Variants in TYW1 observed in about 807,000 individuals in gnomAD.
TYW1 encodes the protein tRNA-yW synthesizing protein 1 homolog, also known as S-adenosyl-L-methionine-dependent tRNA 4-demethylwyosine synthase TYW1.
A neutral mutation model predicts 96.2 loss-of-function variants in TYW1; 46 were observed. The observed-to-expected ratio is 0.48, with a 90% CI of 0.38 to 0.61. The LOEUF (loss-of-function observed/expected upper bound fraction) is 0.61. Ranked by LOEUF, TYW1 falls within the 20% of genes least tolerant of loss-of-function variation. The pLI, the probability that TYW1 is intolerant of heterozygous loss-of-function variation, is 0.00. For missense variants in TYW1, 684 were observed against 909.6 expected, an observed-to-expected ratio of 0.75 and a Z score of 3.19; for synonymous variants, 274 against 323.0, an observed-to-expected ratio of 0.85 and a Z score of 1.63.
chr7:67,146,041 T>C (rs762039025), intron 13 of TYW1, among the ~76,000 whole-genome samples: 1 of 152,198 alleles, frequency 6.6e-6, no homozygotes, highest in Non-Finnish European at 1.5e-5. Flanking sequence ...ACTGGGATTA[T>C]AGGTGTGAGC....
intron 10 of TYW1, among the ~76,000 whole-genome samples, chr7:67,081,046 G>T (rs1796377754): frequency 7.3e-6 from 1 of 136,560 alleles, no homozygotes. Flanking sequence ...CTACCAGTGA[G>T]TTTATACTTT....
chr7:67,073,623 A>C (rs1293360728), intron 10 of TYW1, among the ~76,000 whole-genome samples: 1 of 151,252 alleles, frequency 6.6e-6, no homozygotes, highest in Non-Finnish European at 1.5e-5. Flanking sequence ...AAATACAAAA[A>C]ATTAGCTGGG....
chr7:67,183,170 C>T lies in TYW1; in HGVS notation c.1743C>T (p.Asn581=), dbSNP rs4145350. The T allele has an allele frequency of 0.23, 367,864 of 1,594,874 alleles. 31,555 individuals carry two copies. The highest frequency in any genetic ancestry group is 0.38 in the African/African-American group (27,615 of 73,252). Residue 581 remains asparagine, a synonymous_variant, in exon 14 of 16, where the codon AAC becomes AAT. Coordinates refer to ENST00000359626, the MANE Select transcript of TYW1 (RefSeq NM_018264.4). ...GACTGACGCTCGTGAAAGCATGGAACGTGGACGAGCTCCAGGCCTACGCGC... is the reference window on the plus strand; with the variant it reads ...GACTGACGCTCGTGAAAGCATGGAATGTGGACGAGCTCCAGGCCTACGCGC... ...VYRLTLVKAW[N]VDELQAYAQL...
intron 7 of TYW1, among the ~76,000 whole-genome samples, chr7:67,039,043 A>C (rs1341395542): frequency 1.3e-5 from 2 of 152,166 alleles, no homozygotes; most frequent in Non-Finnish European, 2.9e-5. Flanking sequence ...AATCTGAAAA[A>C]CTTCTGATCC....
intron 7 of TYW1, among the ~76,000 whole-genome samples, chr7:67,035,898 C>G (rs146263228): frequency 1.3e-5 from 2 of 151,234 alleles, no homozygotes; most frequent in African/African-American, 4.8e-5. Flanking sequence ...AGGATGGTCC[C>G]GATTTGCTGA....
At chr7:67,192,448 A>C (rs1800249474) in intron 14 of TYW1, among the ~76,000 whole-genome samples, 1 of 152,250 alleles carries the variant, frequency 6.6e-6, no homozygotes, top group Non-Finnish European at 1.5e-5. Flanking sequence ...TCAGTGAACT[A>C]ACTTTTTAAA....
chr7:67,182,968 G>A (rs1360900764), intron 13 of TYW1, among the ~76,000 whole-genome samples, 158 bp from the exon 14 acceptor site: 4 of 151,378 alleles, frequency 2.6e-5, no homozygotes, highest in African/African-American at 7.3e-5. Context: ...GTTTATTTTT[G>A]TTTCATCTTT....
Position 67,239,420 on chromosome 7 carries a change from A to T in TYW1, c.*891A>T, listed in dbSNP as rs1045174. On this transcript the variant is annotated 3_prime_UTR_variant, in exon 16 of 16. Transcript: ENST00000359626. Reference sequence around the variant, plus strand: ...AGGTTCAGGTGTTTTCAAGTTGGAAAGATCATAAATACTCAAAATTGTTTT... The same window carrying T: ...AGGTTCAGGTGTTTTCAAGTTGGAATGATCATAAATACTCAAAATTGTTTT... 2.0e-6 allele frequency: 2 copies of T among 982,006 alleles called. No homozygotes were observed. The highest frequency in any genetic ancestry group is 2.4e-6 in the Non-Finnish European group (2 of 826,938). The allele number at this position is 982,006 out of a possible 1,614,324, so 60.8% of individuals were successfully genotyped here.
At chr7:67,219,073 T>C (rs1297451725) in intron 15 of TYW1, among the ~76,000 whole-genome samples, 1 of 152,214 alleles carries the variant, frequency 6.6e-6, no homozygotes, top group Non-Finnish European at 1.5e-5. Context: ...TAAGATAGTT[T>C]CCAGCTATTC....
intron 13 of TYW1, among the ~76,000 whole-genome samples, chr7:67,144,084 A>G (rs1258278088): frequency 6.6e-6 from 1 of 152,252 alleles, no homozygotes; most frequent in Non-Finnish European, 1.5e-5. Flanking sequence ...TCATTAATGT[A>G]GCAGTGGATC....
chr7:67,080,406 T>G (rs1337952557), intron 10 of TYW1, among the ~76,000 whole-genome samples: 1 of 151,850 alleles, frequency 6.6e-6, no homozygotes, highest in Non-Finnish European at 1.5e-5. Context: ...TGCTTACTTT[T>G]TTTTTTTTTT....
intron 13 of TYW1, among the ~76,000 whole-genome samples, chr7:67,166,227 C>A (rs1799317247): frequency 6.8e-6 from 1 of 147,032 alleles, no homozygotes; most frequent in East Asian, 1.9e-4. Context: ...TGCTCTCCAG[C>A]CTGTGTGACA....
At chr7:67,053,339 T>A (rs1795419579) in intron 8 of TYW1, among the ~76,000 whole-genome samples, 1 of 151,778 alleles carries the variant, frequency 6.6e-6, no homozygotes, top group Admixed American at 6.6e-5. Context: ...CCCCAGTCCT[T>A]CCCTTCCTCT....
intron 14 of TYW1, among the ~76,000 whole-genome samples, chr7:67,186,171 T>A (rs1489096290): frequency 1.4e-5 from 2 of 145,218 alleles, no homozygotes; most frequent in Admixed American, 1.4e-4. Context: ...ATTTAGCTAT[T>A]AAAGAATGCT....
intron 14 of TYW1, among the ~76,000 whole-genome samples, chr7:67,185,797 A>G (rs979487103): frequency 1.6e-4 from 24 of 152,202 alleles, no homozygotes; most frequent in Admixed American, 1.2e-3. Context: ...CCACAAGACA[A>G]GAGAAGTGAT....
At chr7:67,159,625 C>A (rs28413067) in intron 13 of TYW1, among the ~76,000 whole-genome samples, 14,792 of 151,770 alleles carry the variant, frequency 0.097, 842 homozygotes, top group African/African-American at 0.16. Flanking sequence ...TGTCATCCCC[C>A]ACCTCCAAAG....
At chr7:67,161,310 A>G (rs7804802) in intron 13 of TYW1, among the ~76,000 whole-genome samples, 42,778 of 152,142 alleles carry the variant, frequency 0.28, 6,531 homozygotes, top group African/African-American at 0.4. Flanking sequence ...GAATTTGTAG[A>G]TTAATTTGGA....
chr7:67,079,196 GT>G (rs1796306312), intron 10 of TYW1, among the ~76,000 whole-genome samples: 1 of 151,868 alleles, frequency 6.6e-6, no homozygotes, highest in African/African-American at 2.4e-5. Flanking sequence ...GTGTGTGTGT[GT>G]GTGTTTTAGG....
At chr7:67,002,836 T>G (rs186979805) in intron 3 of TYW1, among the ~76,000 whole-genome samples, 22 of 128,180 alleles carry the variant, frequency 1.7e-4, no homozygotes, top group Middle Eastern at 4.2e-3. Context: ...TGTAACTTTT[T>G]CTTTTTCTTT....
Sources: gnomAD v4.1 joint callset for allele counts (sites outside exome capture counted in the v4.1 genomes callset) on GRCh38, gnomAD v4.1.1 for gene constraint, MANE v1.5 for transcripts, NCBI Gene and HGNC (gene_info 2026-07-23, HGNC 2026-07-21) for gene names.